Variants in ADAMTS7 observed in about 807,000 individuals in gnomAD.
ADAMTS7 encodes the protein ADAM metallopeptidase with thrombospondin type 1 motif 7.
A neutral mutation model predicts 172.6 loss-of-function variants in ADAMTS7; 89 were observed. That is an observed-to-expected ratio of 0.52 (90% confidence interval 0.43 to 0.61). The LOEUF is 0.61. Ranked by LOEUF, ADAMTS7 falls within the 20% of genes least tolerant of loss-of-function variation. ADAMTS7 has a pLI of 0.00. For missense variants in ADAMTS7, 1,973 were observed against 2,355.6 expected, an observed-to-expected ratio of 0.84 and a Z score of 3.36; for synonymous variants, 885 against 978.4, an observed-to-expected ratio of 0.90 and a Z score of 1.78.
chr15:78,760,481 C>G (rs2055025775), intron 23 of ADAMTS7, among the ~76,000 whole-genome samples: 1 of 152,054 alleles, frequency 6.6e-6, no homozygotes, highest in African/African-American at 2.4e-5. Context: ...CAGGCAGGCT[C>G]CTCCACCCCA....
Position 78,774,745 on chromosome 15 carries a change from G to A in ADAMTS7, c.1755C>T (p.Arg585=). Residue 585 remains arginine (R), a synonymous_variant, in exon 12 of 24, where the codon CGC becomes CGT. Coordinates refer to ENST00000388820, the MANE Select transcript of ADAMTS7 (RefSeq NM_014272.5). ...RYCVGERKRF[R]LCNLQACPAG... is the part of the protein sequence containing the mutation. ...CAGGGCAGGCCTGCAGGTTGCAGAG[G>A]CGGAAGCGCTTGCGCTCACCCACAC... 1.4e-5 allele frequency: 22 copies of A among 1,611,454 alleles called. No individual in the cohort carries two copies. Among genetic ancestry groups the A allele is most frequent in the Non-Finnish European group, 1.8e-5 (21 of 1,179,702 alleles).
At chr15:78,762,166 C>T in intron 23 of ADAMTS7, 1 of 851,846 alleles carries the variant, frequency 1.2e-6, no homozygotes, top group Non-Finnish European at 1.4e-6. Flanking sequence ...CAAGGTCAGA[C>T]AGCTGCCTAT....
chr15:78,788,972 A>G (rs1423515183), intron 7 of ADAMTS7, among the ~76,000 whole-genome samples: 1 of 152,240 alleles, frequency 6.6e-6, no homozygotes, highest in African/African-American at 2.4e-5. Context: ...TAGCTAGGGT[A>G]ACACAGCCAG....
At chr15:78,794,259 T>A (rs1485373845) in intron 4 of ADAMTS7, among the ~76,000 whole-genome samples, 1 of 151,022 alleles carries the variant, frequency 6.6e-6, no homozygotes, top group East Asian at 2.0e-4. Context: ...AAATAAATAA[T>A]AAAATGGGGG....
rs376434066 is a variant in ADAMTS7 at position 78,764,003 on chromosome 15, C to T, written c.4516G>A (p.Gly1506Arg). 15 of 1,543,526 alleles carry T rather than the reference C, an allele frequency of 9.7e-6. No homozygotes were observed. The highest frequency in any genetic ancestry group is 4.8e-5 in the East Asian group (2 of 41,578). Residue 1506 changes from glycine to arginine, a missense_variant, in exon 21 of 24, where the codon GGG becomes AGG. By Grantham distance (125) the Gly-to-Arg change is moderately radical. Around this residue, in one of 8 missense-constraint regions of ADAMTS7, gnomAD observed 218 missense variants for 216.9 expected, o/e 1.01. Coordinates refer to ENST00000388820, the MANE Select transcript of ADAMTS7 (RefSeq NM_014272.5). ...CGGTGCGCAGGCGGCTTGGCAGGCC[C>T]GGGCTGACAATGGAAGGGCCGCAGT... ...RPLRPFHCQP[G>R]PAKPPAHRPC...
chr15:78,803,760 A>G (rs1359727965), intron 1 of ADAMTS7, among the ~76,000 whole-genome samples: 1 of 152,204 alleles, frequency 6.6e-6, no homozygotes, highest in Non-Finnish European at 1.5e-5. Flanking sequence ...GCAACTATGG[A>G]TATTTTGAAG....
chr15:78,760,767 A>G (rs964113053), intron 23 of ADAMTS7, among the ~76,000 whole-genome samples: 49 of 151,644 alleles, frequency 3.2e-4, no homozygotes, highest in Non-Finnish European at 1.5e-4. Context: ...GCCCCCCTCC[A>G]CTGTTCACTG....
In ADAMTS7 at chr15:78,768,182, G is replaced by A. The variant is rs146487400; in HGVS notation, c.2596C>T (p.Arg866Trp). 5.0e-6 allele frequency: 8 copies of A among 1,609,398 alleles called. No homozygotes were observed. The highest frequency in any genetic ancestry group is 2.2e-5 in the East Asian group (1 of 44,804). The change falls in exon 17 of 24, where the codon CGG (arginine) becomes TGG (tryptophan). Residue 866 changes from arginine to tryptophan, a missense_variant. By Grantham distance (101) the Arg-to-Trp change is moderately radical. Coordinates refer to ENST00000388820, the MANE Select transcript of ADAMTS7 (RefSeq NM_014272.5). ...CACTTCCTCTGTTGGTCATCAGGCC[G>A]GCCCAGGGGGTCACAGTGCTCCTCG... ...VDEEHCDPLG[R>W]PDDQQRKCSE... is the part of the protein sequence containing the mutation.
chr15:78,798,981 G>A (rs2141521017), intron 2 of ADAMTS7, among the ~76,000 whole-genome samples: 1 of 148,510 alleles, frequency 6.7e-6, no homozygotes, highest in Non-Finnish European at 1.5e-5. Context: ...ATGACTAGGT[G>A]ACCCTGGGCA....
At position 78,766,359 on chromosome 15, in the gene ADAMTS7, C is replaced by T. The variant is rs1242348519; in HGVS notation, c.3552G>A (p.Leu1184=). 2.5e-6 allele frequency: 4 copies of T among 1,610,572 alleles called. No homozygotes were observed. The highest frequency in any genetic ancestry group is 1.1e-5 in the South Asian group (1 of 90,960). The change falls in exon 19 of 24, where the codon CTG becomes CTA. Residue 1184 remains leucine (L), a synonymous_variant. Coordinates refer to ENST00000388820, the MANE Select transcript of ADAMTS7 (RefSeq NM_014272.5). The part of the protein sequence containing the change: ...LSWPRVSTDG[L]QTPATPESQN... Reference sequence around the variant, plus strand: ...GGCTCTCAGGGGTGGCAGGTGTCTGCAGGCCATCAGTGGAAACCCTGGGCC... The same window carrying T: ...GGCTCTCAGGGGTGGCAGGTGTCTGTAGGCCATCAGTGGAAACCCTGGGCC...
At chr15:78,762,980 A>T (rs2055073453) in intron 22 of ADAMTS7, among the ~76,000 whole-genome samples, 1 of 152,220 alleles carries the variant, frequency 6.6e-6, no homozygotes, top group Admixed American at 6.5e-5. Context: ...GCAGGAGGGC[A>T]GGAGACAGTT....
rs371749605 is a variant in ADAMTS7 at position 78,798,004 on chromosome 15, G to A, written c.566C>T (p.Pro189Leu). The A allele has an allele frequency of 2.8e-5, 44 of 1,587,640 alleles. No individual in the cohort carries two copies. The highest frequency in any genetic ancestry group is 7.4e-5 in the Admixed American group (4 of 54,402). The change falls in exon 3 of 24, where the codon CCG (proline) becomes CTG (leucine). Residue 189 changes from proline to leucine, a missense_variant. Transcript: ENST00000388820. ...ATCACCCCGCTGTGCCAGCCTCTCC[G>A]GGGCCTGACGCTTGTACACCACATG... The part of the protein sequence containing the change: ...QPHVVYKRQA[P>L]ERLAQRGDSS...
rs1195055552 is a variant in ADAMTS7, at chr15:78,771,177, C to T, written c.2503G>A (p.Val835Ile). 6.2e-7 allele frequency: 1 copy of T among 1,610,112 alleles called. No individual in the cohort carries two copies. The highest frequency in any genetic ancestry group is 8.5e-7 in the Non-Finnish European group (1 of 1,178,864). The change falls in exon 16 of 24, where the codon GTC becomes ATC. Residue 835 changes from valine (V) to isoleucine (I), a missense_variant. Transcript: ENST00000388820. This position sits in a 1 kb window ranked among gnomAD's most constrained non-coding sequence, Gnocchi z 4.9. ...WHYGPWTKCT[V>I]TCGRGVQRQN... Reference sequence around the variant, plus strand: ...CACTTCTCACCTCTGCCGCAGGTGACTGTGCACTTGGTCCAGGGCCCATAA... The same window carrying T: ...CACTTCTCACCTCTGCCGCAGGTGATTGTGCACTTGGTCCAGGGCCCATAA...
intron 23 of ADAMTS7, among the ~76,000 whole-genome samples, chr15:78,760,991 C>T (rs1280416841): frequency 6.6e-6 from 1 of 152,148 alleles, no homozygotes; most frequent in Non-Finnish European, 1.5e-5. Flanking sequence ...ATAACCACCC[C>T]GCTCCCTGTG....
At chr15:78,783,292 C>T (rs1253700958) in intron 8 of ADAMTS7, among the ~76,000 whole-genome samples, 3 of 152,120 alleles carry the variant, frequency 2.0e-5, no homozygotes, top group African/African-American at 7.2e-5. Flanking sequence ...TTTTTTGAGA[C>T]AGAGTCTCTC....
At chr15:78,795,890 C>T (rs138056813) in intron 4 of ADAMTS7, among the ~76,000 whole-genome samples, 1 of 152,200 alleles carries the variant, frequency 6.6e-6, no homozygotes, top group African/African-American at 2.4e-5. Flanking sequence ...CACAGTGCCC[C>T]CGGTGGGACT....
intron 19 of ADAMTS7, chr15:78,765,071 G>T (rs1365701217): frequency 2.5e-5 from 6 of 243,152 alleles, no homozygotes; most frequent in Non-Finnish European, 4.0e-5. Context: ...GGTACCAGCA[G>T]CCAAATCGCT....
chr15:78,791,240 G>A lies in ADAMTS7; in HGVS notation c.820-17C>T, dbSNP rs368424049. The stretch of plus-strand genomic sequence containing the variant: ...GCCAGCCACCTGCCCAAGAGATGGG[G>A]GGGTCAGGTTGTCACGAGGATGAAG... On this transcript the variant is annotated splice_polypyrimidine_tract_variant and intron_variant, in intron 4 of 23. Transcript: ENST00000388820. The A allele has an allele frequency of 1.1e-5, 17 of 1,609,096 alleles. No homozygotes were observed. The African/African-American group carries it at 2.1e-4, about 20-fold the overall frequency.
In ADAMTS7 at chr15:78,766,690, T is replaced by C; in HGVS notation, c.3221A>G (p.Glu1074Gly). 1.2e-6 allele frequency: 2 copies of C among 1,610,912 alleles called. No individual in the cohort carries two copies. The highest frequency in any genetic ancestry group is 1.7e-6 in the Non-Finnish European group (2 of 1,179,834). Residue 1074 changes from glutamate to glycine, a missense_variant, in exon 19 of 24, where the codon GAG (glutamate) becomes GGG (glycine). Glu to Gly is a moderately conservative substitution (Grantham distance 98, BLOSUM62 -2). Transcript: ENST00000388820. ...YYDYNFINFHEDLSYGPSEEP... is the reference protein window; with the variant it reads ...YYDYNFINFHGDLSYGPSEEP... Reference sequence around the variant, plus strand: ...CTCAGAGGGCCCGTAGGACAGATCCTCGTGGAAATTGATGAAATTGTAGTC... The same window carrying C: ...CTCAGAGGGCCCGTAGGACAGATCCCCGTGGAAATTGATGAAATTGTAGTC...
Sources: allele counts gnomAD v4.1 joint callset (sites outside exome capture counted in the v4.1 genomes callset), GRCh38; gene constraint gnomAD v4.1.1; regional missense constraint gnomAD v4.1.1; non-coding constraint Gnocchi (gnomAD v3.1); transcripts MANE v1.5; gene names NCBI Gene and HGNC (gene_info 2026-07-23, HGNC 2026-07-21).